The following LRRC4C variants were observed in gnomAD, a reference collection of about 807,000 sequenced individuals.
LRRC4C encodes leucine-rich repeat-containing protein 4C.
Under a neutral mutation model 33.6 loss-of-function variants are expected in LRRC4C, and 5 were observed. The observed-to-expected ratio is 0.15, with a 90% CI of 0.08 to 0.31. The LOEUF (loss-of-function observed/expected upper bound fraction) is 0.31, where lower values mean the gene tolerates loss of function less well. Ranked by LOEUF, LRRC4C falls within the 10% of genes least tolerant of loss-of-function variation. The probability of loss-of-function intolerance (pLI) is 1.00; values close to 1 mark genes in which losing one functional copy is unlikely to be tolerated. For missense variants in LRRC4C, 560 were observed against 796.7 expected, an observed-to-expected ratio of 0.70 and a Z score of 3.58; for synonymous variants, 329 against 302.0, an observed-to-expected ratio of 1.09 and a Z score of -0.93.
intron 1 of LRRC4C, among the ~76,000 whole-genome samples, chr11:41,194,052 A>G (rs1418218261): frequency 6.6e-6 from 1 of 151,958 alleles, no homozygotes; most frequent in Non-Finnish European, 1.5e-5. Flanking sequence ...CAGCCTACTC[A>G]TCATGAAGAC....
chr11:41,135,069 C>T (rs543507711), intron 1 of LRRC4C, among the ~76,000 whole-genome samples: 2 of 152,124 alleles, frequency 1.3e-5, no homozygotes, highest in Non-Finnish European at 2.9e-5. Flanking sequence ...TATACACACA[C>T]ACACACAGGC....
intron 4 of LRRC4C, among the ~76,000 whole-genome samples, chr11:40,275,369 A>T (rs1943025935): frequency 6.6e-6 from 1 of 152,130 alleles, no homozygotes; most frequent in South Asian, 2.1e-4. Flanking sequence ...ATCCAATGGG[A>T]GGCTGGAAAA....
chr11:40,439,456 C>CTT (rs748189705), intron 3 of LRRC4C, among the ~76,000 whole-genome samples: 18 of 137,878 alleles, frequency 1.3e-4, no homozygotes, highest in Non-Finnish European at 2.2e-4. Context: ...TCCATTTATT[C>CTT]TTTTTTTTTT....
At position 41,265,840 on chromosome 11, in the gene LRRC4C, G is replaced by C. The variant is rs186088576; in HGVS notation, c.-496+193591C>G. 2.1e-3 allele frequency among the ~76,000 whole-genome samples: 323 copies of C among 150,234 alleles called. 1 individual carries two copies. The highest frequency in any genetic ancestry group is 7.5e-3 in the African/African-American group (308 of 40,832). Reference sequence around the variant, plus strand: ...AAATACCATAACACTGTTGTTTCTAGAAGCAGGGATGTAATGCCCATGGGT... The same window carrying C: ...AAATACCATAACACTGTTGTTTCTACAAGCAGGGATGTAATGCCCATGGGT... On this transcript the variant is annotated intron_variant, in intron 1 of 6. Transcript: ENST00000528697.
intron 3 of LRRC4C, among the ~76,000 whole-genome samples, chr11:40,595,440 T>C (rs2135766181): frequency 6.6e-6 from 1 of 152,150 alleles, no homozygotes; most frequent in East Asian, 1.9e-4. Flanking sequence ...AGCCCAGTAG[T>C]CCAAATCATT....
chr11:41,298,175 G>T (rs977797672), intron 1 of LRRC4C, among the ~76,000 whole-genome samples: 1 of 152,158 alleles, frequency 6.6e-6, no homozygotes, highest in Non-Finnish European at 1.5e-5. Context: ...TTTTTAGTTT[G>T]CAGTTCTTTA....
intron 2 of LRRC4C, among the ~76,000 whole-genome samples, chr11:40,898,594 T>A (rs1391073919): frequency 1.3e-5 from 2 of 151,706 alleles, no homozygotes; most frequent in Non-Finnish European, 2.9e-5. Context: ...GAAAGAAAAG[T>A]TGAATCCAAA....
At chr11:41,124,922 A>C (rs941247902) in intron 1 of LRRC4C, among the ~76,000 whole-genome samples, 6 of 152,174 alleles carry the variant, frequency 3.9e-5, no homozygotes, top group Non-Finnish European at 7.4e-5. Flanking sequence ...TCAGCATCCC[A>C]GGGCTGGGAT....
At chr11:41,225,445 T>C (rs962907067) in intron 1 of LRRC4C, among the ~76,000 whole-genome samples, 14 of 151,938 alleles carry the variant, frequency 9.2e-5, no homozygotes, top group African/African-American at 3.1e-4. Context: ...CCACAAAAAT[T>C]AGAAAAAAAT....
chr11:40,569,038 C>T (rs1173167757), intron 3 of LRRC4C, among the ~76,000 whole-genome samples: 2 of 152,116 alleles, frequency 1.3e-5, no homozygotes, highest in African/African-American at 2.4e-5. Context: ...GAGCACCAAA[C>T]GCAGTAGCCG....
chr11:41,243,670 G>C (rs1365258314), intron 1 of LRRC4C, among the ~76,000 whole-genome samples: 1 of 152,134 alleles, frequency 6.6e-6, no homozygotes, highest in African/African-American at 2.4e-5. Context: ...GATGACTGAA[G>C]TTCTAGCAAC....
At chr11:40,710,944 A>G (rs1048013634) in intron 2 of LRRC4C, among the ~76,000 whole-genome samples, 1 of 152,098 alleles carries the variant, frequency 6.6e-6, no homozygotes, top group Non-Finnish European at 1.5e-5. Context: ...CTGCCTCGCA[A>G]TATGATCTGA....
At chr11:41,054,135 C>G (rs866534468) in intron 1 of LRRC4C, among the ~76,000 whole-genome samples, 17 of 152,166 alleles carry the variant, frequency 1.1e-4, no homozygotes, top group Admixed American at 1.3e-4. Context: ...TATGTATTTT[C>G]TAATTCTCAT....
intron 1 of LRRC4C, among the ~76,000 whole-genome samples, chr11:41,109,756 C>T (rs1386252187): frequency 1.3e-5 from 2 of 152,038 alleles, no homozygotes; most frequent in Non-Finnish European, 2.9e-5. Context: ...TCATCAAACC[C>T]ATCCTACAAC....
chr11:40,942,902 C>A (rs542602081), intron 1 of LRRC4C, among the ~76,000 whole-genome samples: 12 of 152,216 alleles, frequency 7.9e-5, no homozygotes, highest in South Asian at 2.1e-4. Flanking sequence ...TCCCCATAAC[C>A]CCTATTACTA....
intron 6 of LRRC4C, among the ~76,000 whole-genome samples, chr11:40,135,726 G>A (rs1286585662): frequency 1.3e-5 from 2 of 152,086 alleles, no homozygotes; most frequent in Non-Finnish European, 2.9e-5. Context: ...GAAAAAGCAC[G>A]GGGCTGACAG....
chr11:40,921,229 G>T (rs1957162183), intron 2 of LRRC4C, among the ~76,000 whole-genome samples: 1 of 152,142 alleles, frequency 6.6e-6, no homozygotes, highest in South Asian at 2.1e-4. Flanking sequence ...GGCTTGAAAT[G>T]AATCTCTAAA....
intron 2 of LRRC4C, among the ~76,000 whole-genome samples, chr11:40,710,315 C>A (rs1195024633): frequency 1.3e-5 from 2 of 152,152 alleles, no homozygotes; most frequent in African/African-American, 4.8e-5. Flanking sequence ...GGTTTCTCCC[C>A]ATCTTTGTGG....
chr11:41,065,743 C>T (rs974115375), intron 1 of LRRC4C, among the ~76,000 whole-genome samples: 2 of 152,166 alleles, frequency 1.3e-5, no homozygotes, highest in African/African-American at 4.8e-5. Flanking sequence ...TGCTGTTCTA[C>T]AGCCTCCACC....
Sources: allele counts gnomAD v4.1 joint callset (sites outside exome capture counted in the v4.1 genomes callset), GRCh38; gene constraint gnomAD v4.1.1; transcripts MANE v1.5; gene names NCBI Gene and HGNC (gene_info 2026-07-23, HGNC 2026-07-21).